The following LRRC37A2 variants were observed in gnomAD, a reference collection of about 807,000 sequenced individuals.
The protein encoded by LRRC37A2 is leucine rich repeat containing 37 member A2.
In LRRC37A2, 9 loss-of-function variants were observed where a neutral mutation model predicts 68.8. The ratio of observed to expected loss-of-function variants is 0.13; its 90% CI spans 0.08 to 0.23. The LOEUF (loss-of-function observed/expected upper bound fraction) is 0.23, where lower values mean the gene tolerates loss of function less well. Among genes scored for constraint, LRRC37A2 ranks in the 10% least tolerant of loss-of-function variants. The pLI, the probability that LRRC37A2 is intolerant of heterozygous loss-of-function variation, is 1.00. For missense variants in LRRC37A2, 168 were observed against 950.4 expected (o/e 0.18, Z 10.82); for synonymous variants, 63 against 367.6 (o/e 0.17, Z 9.48).
the LRRC37A2 span, among the ~76,000 whole-genome samples, chr17:46,771,560 C>A: frequency 6.7e-6 from 1 of 148,642 alleles, no homozygotes; most frequent in East Asian, 2.0e-4. Context: ...GTGCCTTCCC[C>A]GTCCGGCGGG....
At chr17:46,959,806 A>G in the LRRC37A2 span, among the ~76,000 whole-genome samples, 3 of 152,152 alleles carry the variant, frequency 2.0e-5, no homozygotes, top group Non-Finnish European at 2.9e-5. Flanking sequence ...AAGTCCTCCA[A>G]TCCTTGGAGG....
chr17:46,952,239 A>G, the LRRC37A2 span, among the ~76,000 whole-genome samples: 1 of 152,180 alleles, frequency 6.6e-6, no homozygotes, highest in South Asian at 2.1e-4. Context: ...CACGGGACTC[A>G]GCGAGGGCTG....
the LRRC37A2 span, chr17:46,933,281 A>C: frequency 6.6e-6 from 1 of 152,254 alleles, no homozygotes; most frequent in Non-Finnish European, 1.5e-5. Flanking sequence ...CTTCCTGGTC[A>C]TTCTACCATA....
At chr17:46,978,301 C>T in the LRRC37A2 span, 2 of 335,136 alleles carry the variant, frequency 6.0e-6, no homozygotes, top group Non-Finnish European at 1.1e-5. Flanking sequence ...CACCAACGTA[C>T]ACACAAAACT....
At chr17:46,728,391 T>A in the LRRC37A2 span, among the ~76,000 whole-genome samples, 2 of 152,098 alleles carry the variant, frequency 1.3e-5, no homozygotes, top group African/African-American at 4.8e-5. Context: ...CACCTGGAAT[T>A]TTTTTTTCCT....
the LRRC37A2 span, among the ~76,000 whole-genome samples, chr17:46,869,830 CT>C: frequency 6.6e-6 from 1 of 152,038 alleles, no homozygotes. Context: ...GAAACCCCGT[CT>C]CTACTAAAAA....
the LRRC37A2 span, among the ~76,000 whole-genome samples, chr17:46,868,057 C>T: frequency 6.6e-6 from 1 of 152,086 alleles, no homozygotes; most frequent in Non-Finnish European, 1.5e-5. Context: ...TGGAAGTTAG[C>T]CTGGGGAGCC....
the LRRC37A2 span, among the ~76,000 whole-genome samples, chr17:46,744,593 T>C: frequency 6.6e-6 from 1 of 152,030 alleles, no homozygotes; most frequent in Non-Finnish European, 1.5e-5. Flanking sequence ...TTCACTGCAG[T>C]ATTATATTAG....
the LRRC37A2 span, among the ~76,000 whole-genome samples, chr17:46,977,458 C>G: frequency 6.6e-6 from 1 of 152,254 alleles, no homozygotes; most frequent in Non-Finnish European, 1.5e-5. Flanking sequence ...GAAAGCAGAG[C>G]TGTCCTCTCG....
chr17:46,711,089 C>T, the LRRC37A2 span: 1 of 1,560,304 alleles, frequency 6.4e-7, no homozygotes, highest in Non-Finnish European at 8.6e-7. Flanking sequence ...GAACAGTGAC[C>T]GCACACCATT....
At chr17:47,026,373 A>G in the LRRC37A2 span, among the ~76,000 whole-genome samples, 53 of 152,354 alleles carry the variant, frequency 3.5e-4, no homozygotes, top group African/African-American at 1.3e-3. Context: ...ATGGGGAACC[A>G]TGTTACCACA....
chr17:47,033,802 C>T, the LRRC37A2 span, among the ~76,000 whole-genome samples: 4 of 152,172 alleles, frequency 2.6e-5, no homozygotes, highest in African/African-American at 7.2e-5. Context: ...CAGCAAAAGG[C>T]TTGTATAAAA....
chr17:46,840,062 C>T, the LRRC37A2 span, among the ~76,000 whole-genome samples: 1 of 132,388 alleles, frequency 7.6e-6, no homozygotes, highest in Non-Finnish European at 1.6e-5. Context: ...CTCTCTCTTT[C>T]CTTTCTTTCC....
the LRRC37A2 span, among the ~76,000 whole-genome samples, chr17:46,605,208 T>A: frequency 1.1e-4 from 8 of 72,694 alleles, no homozygotes; most frequent in South Asian, 4.7e-3. Context: ...TCCCAGCACT[T>A]TGGGAGCCCG....
At chr17:46,932,631 A>C in the LRRC37A2 span, 1 of 315,656 alleles carries the variant, frequency 3.2e-6, no homozygotes, top group Non-Finnish European at 5.9e-6. Context: ...GTGCATTAAG[A>C]TGTTTTTGCC....
At chr17:46,971,687 C>T in the LRRC37A2 span, among the ~76,000 whole-genome samples, 3 of 152,288 alleles carry the variant, frequency 2.0e-5, no homozygotes, top group Non-Finnish European at 2.9e-5. Flanking sequence ...GAAGGTGAAG[C>T]GACTTTCTCT....
the LRRC37A2 span, chr17:47,019,476 G>T: frequency 6.3e-7 from 1 of 1,590,382 alleles, no homozygotes; most frequent in African/African-American, 1.4e-5. Flanking sequence ...GCCCACTACA[G>T]AGATTGGACA....
At chr17:46,755,560 G>A in the LRRC37A2 span, 686 of 687,296 alleles carry the variant, frequency 1.0e-3, 1 homozygote, top group African/African-American at 8.1e-3. Context: ...GTCCTGCTTC[G>A]CAAAACTTCC....
At chr17:46,494,177 A>G in the LRRC37A2 span, among the ~76,000 whole-genome samples, 80,042 of 145,626 alleles carry the variant, frequency 0.55, 18,992 homozygotes, top group South Asian at 0.69. Flanking sequence ...AGAGTTCTTT[A>G]TATATTTTGG....
Sources: allele counts gnomAD v4.1 joint callset (sites outside exome capture counted in the v4.1 genomes callset), GRCh38; gene constraint gnomAD v4.1.1; transcripts MANE v1.5; gene names NCBI Gene and HGNC (gene_info 2026-07-23, HGNC 2026-07-21).